The following MAP2K1 variants were observed in gnomAD, a reference collection of about 807,000 sequenced individuals.
MAP2K1 encodes the protein dual specificity mitogen-activated protein kinase kinase 1.
A neutral mutation model predicts 46.3 loss-of-function variants in MAP2K1; 16 were observed. The observed-to-expected ratio is 0.35, with a 90% confidence interval of 0.23 to 0.52. The LOEUF is 0.52. Among genes scored for constraint, MAP2K1 ranks in the 20% least tolerant of loss-of-function variants. The pLI, the probability that MAP2K1 is intolerant of heterozygous loss-of-function variation, is 0.94. For synonymous variants in MAP2K1, 183 were observed against 185.6 expected (o/e 0.99, Z 0.11); for missense variants, 263 against 497.1 (o/e 0.53, Z 4.48).
intron 5 of MAP2K1, among the ~76,000 whole-genome samples, chr15:66,466,811 T>A (rs191217232): frequency 3.1e-4 from 47 of 152,280 alleles, no homozygotes; most frequent in Non-Finnish European, 5.9e-5. Flanking sequence ...CTCCTGTAAG[T>A]TCAGTTCATG....
intron 5 of MAP2K1, among the ~76,000 whole-genome samples, chr15:66,459,104 GGA>G (rs1169089503): frequency 3.3e-5 from 5 of 150,576 alleles, no homozygotes; most frequent in Non-Finnish European, 7.4e-5. Context: ...CATGAGGTCA[GGA>G]GATCAAGACC....
Position 66,447,592 on chromosome 15 carries a change from T to C in MAP2K1, c.568+2885T>C, listed in dbSNP as rs147005709. On this transcript the variant is annotated intron_variant, in intron 5 of 10. Transcript: ENST00000307102. Reference sequence around the variant, plus strand: ...TGTAATCCTGGCTACTCAGGAGGCTTAGGCAAGAGAATTGTTTGAACCTGG... The same window carrying C: ...TGTAATCCTGGCTACTCAGGAGGCTCAGGCAAGAGAATTGTTTGAACCTGG... 2.6e-3 allele frequency among the ~76,000 whole-genome samples: 397 copies of C among 150,694 alleles called. 4 individuals carry two copies. Among genetic ancestry groups the C allele is most frequent in the Admixed American group, 8.0e-3 (120 of 15,024 alleles).
At chr15:66,434,892 G>T in intron 1 of MAP2K1, 135 bp from the exon 2 acceptor site, 1 of 735,160 alleles carries the variant, frequency 1.4e-6, no homozygotes, top group East Asian at 2.6e-5. Context: ...CAGTGGGAGG[G>T]GGCCTCCTCT....
chr15:66,487,408 G>A (rs1893077985), intron 8 of MAP2K1, 116 bp downstream of exon 8: 2 of 969,892 alleles, frequency 2.1e-6, no homozygotes, highest in Non-Finnish European at 1.7e-6. Flanking sequence ...GGAGGCTGAG[G>A]CGGGTGGATC....
intron 1 of MAP2K1, among the ~76,000 whole-genome samples, chr15:66,410,508 A>G (rs547844390): frequency 1.3e-5 from 2 of 152,360 alleles, no homozygotes; most frequent in East Asian, 1.9e-4. Flanking sequence ...TGATAACACA[A>G]TTGTGCCTTT....
chr15:66,387,523 G>T (rs949715211), intron 1 of MAP2K1, 96 bp downstream of exon 1: 16 of 1,245,044 alleles, frequency 1.3e-5, no homozygotes, highest in Non-Finnish European at 1.8e-5. Flanking sequence ...GGTTTGTCAC[G>T]TACGTCTGGG....
intron 6 of MAP2K1, among the ~76,000 whole-genome samples, chr15:66,482,220 T>C (rs939756090): frequency 2.1e-4 from 32 of 152,192 alleles, no homozygotes; most frequent in African/African-American, 7.5e-4. Flanking sequence ...TGCTCAGATA[T>C]AATCCACCCC....
intron 1 of MAP2K1, among the ~76,000 whole-genome samples, chr15:66,397,886 G>A (rs570125808): frequency 2.6e-5 from 4 of 152,220 alleles, no homozygotes; most frequent in Admixed American, 1.3e-4. Context: ...TGCAGATCAC[G>A]AGCTCAGGAG....
chr15:66,388,298 G>A lies in MAP2K1; in HGVS notation c.80+871G>A, dbSNP rs145028695. On this transcript the variant is annotated intron_variant, in intron 1 of 10. Coordinates refer to ENST00000307102, the MANE Select transcript of MAP2K1 (RefSeq NM_002755.4). ...CAACTCTCTTGGGTTCTAGGTAAGG[G>A]ACAAGACTATGTGAGGGAAAGCTGC... Among the ~76,000 whole-genome samples, 380 of 152,274 alleles carry A rather than the reference G, an allele frequency of 2.5e-3. 1 individual carries two copies. Among genetic ancestry groups the A allele is most frequent in the Non-Finnish European group, 4.0e-3 (273 of 68,012 alleles).
At chr15:66,405,913 T>C (rs2093395514) in intron 1 of MAP2K1, among the ~76,000 whole-genome samples, 2 of 152,244 alleles carry the variant, frequency 1.3e-5, no homozygotes, top group African/African-American at 4.8e-5. Flanking sequence ...TAACCATTTG[T>C]CTTCCAAAGG....
At chr15:66,401,855 C>A in intron 1 of MAP2K1, 1 of 633,852 alleles carries the variant, frequency 1.6e-6, no homozygotes, top group Non-Finnish European at 2.7e-6. Flanking sequence ...CAACTTCACA[C>A]AAGTGGGAAA....
At chr15:66,434,642 C>T (rs918532381) in intron 1 of MAP2K1, among the ~76,000 whole-genome samples, 3 of 152,020 alleles carry the variant, frequency 2.0e-5, no homozygotes, top group African/African-American at 7.2e-5. Flanking sequence ...TTTTATTTTG[C>T]GTATGGTAAA....
chr15:66,416,097 A>G (rs1487749116), intron 1 of MAP2K1, among the ~76,000 whole-genome samples: 1 of 152,200 alleles, frequency 6.6e-6, no homozygotes, highest in East Asian at 1.9e-4. Flanking sequence ...ACCTGGATGC[A>G]TCCACTCTCA....
At chr15:66,448,250 G>C (rs1404046053) in intron 5 of MAP2K1, among the ~76,000 whole-genome samples, 1 of 151,792 alleles carries the variant, frequency 6.6e-6, no homozygotes, top group Non-Finnish European at 1.5e-5. Context: ...ACTACTCTAG[G>C]TACCTCATAT....
At chr15:66,467,049 A>G (rs1050790323) in intron 5 of MAP2K1, among the ~76,000 whole-genome samples, 1 of 152,126 alleles carries the variant, frequency 6.6e-6, no homozygotes, top group African/African-American at 2.4e-5. Flanking sequence ...AGCCTGGCCA[A>G]CGTTGTGAAA....
At chr15:66,436,598 C>T (rs1364305898) in intron 2 of MAP2K1, 148 bp from the exon 3 acceptor site, 3 of 784,952 alleles carry the variant, frequency 3.8e-6, no homozygotes, top group East Asian at 2.6e-5. Context: ...ACACTCATTT[C>T]TTGGTTGAGC....
intron 5 of MAP2K1, among the ~76,000 whole-genome samples, chr15:66,447,517 C>T (rs1294982430): frequency 6.6e-6 from 1 of 151,150 alleles, no homozygotes; most frequent in Non-Finnish European, 1.5e-5. Flanking sequence ...ATGGTGAAAC[C>T]CCGTCTCCAC....
At chr15:66,433,678 C>T (rs1285771029) in intron 1 of MAP2K1, among the ~76,000 whole-genome samples, 1 of 152,130 alleles carries the variant, frequency 6.6e-6, no homozygotes. Flanking sequence ...CTTACTCTAT[C>T]TTTTAAGCTC....
intron 5 of MAP2K1, among the ~76,000 whole-genome samples, chr15:66,474,007 T>C (rs1251054609): frequency 1.3e-5 from 2 of 152,150 alleles, no homozygotes; most frequent in Non-Finnish European, 2.9e-5. Flanking sequence ...TTTATTGGAA[T>C]GTTGTGTGCC....
Sources: allele counts gnomAD v4.1 joint callset (sites outside exome capture counted in the v4.1 genomes callset), GRCh38; gene constraint gnomAD v4.1.1; transcripts MANE v1.5; gene names NCBI Gene and HGNC (gene_info 2026-07-23, HGNC 2026-07-21).